Variants in CDH4 observed in about 807,000 individuals in gnomAD.
CDH4 encodes the protein cadherin 4, also known as cadherin-4.
CDH4 carries 33 observed loss-of-function variants against 86.0 expected under a neutral mutation model. That is an observed-to-expected ratio of 0.38 (90% CI 0.29 to 0.51). The LOEUF (loss-of-function observed/expected upper bound fraction) is 0.51. CDH4 is among the 20% of genes least tolerant of loss of function. The pLI, the probability that CDH4 is intolerant of heterozygous loss-of-function variation, is 0.86. For synonymous variants in CDH4, 555 were observed against 549.4 expected (o/e 1.01, Z -0.14); for missense variants, 1,114 against 1,307.4 (o/e 0.85, Z 2.28).
rs574768551 is a variant in CDH4 at position 61,904,637 on chromosome 20, G to A, written c.1189-5785G>A. On this transcript the variant is annotated intron_variant, in intron 8 of 15. Transcript: ENST00000614565. Reference sequence around the variant, plus strand: ...GTGCCCTGACTGTGCCAGCCCATCCGACCCCACAGCCTCCTGAAGAACGGG... The same window carrying A: ...GTGCCCTGACTGTGCCAGCCCATCCAACCCCACAGCCTCCTGAAGAACGGG... Among the ~76,000 whole-genome samples, 10 of 152,278 alleles carry A rather than the reference G, an allele frequency of 6.6e-5. No homozygotes were observed. In the East Asian group the frequency reaches 7.7e-4, roughly 12 times the overall value.
intron 3 of CDH4, among the ~76,000 whole-genome samples, chr20:61,748,226 G>A (rs1241434215): frequency 6.6e-6 from 1 of 152,128 alleles, no homozygotes; most frequent in Admixed American, 6.5e-5. Flanking sequence ...TCCACCTCCC[G>A]GGTTTAAGTG....
chr20:61,793,559 A>C (rs186802723), intron 4 of CDH4, among the ~76,000 whole-genome samples: 1 of 152,072 alleles, frequency 6.6e-6, no homozygotes, highest in Non-Finnish European at 1.5e-5. Context: ...AATGAGGCTG[A>C]GGCCGGGCGC....
At chr20:61,573,071 T>TGG (rs202014530) in intron 2 of CDH4, among the ~76,000 whole-genome samples, 43 of 151,100 alleles carry the variant, frequency 2.8e-4, no homozygotes, top group African/African-American at 1.0e-3. Flanking sequence ...GATGGATGGA[T>TGG]AGATGGTTGG....
chr20:61,706,729 G>C (rs1038631981), intron 2 of CDH4, among the ~76,000 whole-genome samples: 21 of 152,280 alleles, frequency 1.4e-4, no homozygotes, highest in Admixed American at 1.2e-3. Context: ...TCCCGAGCCC[G>C]CTGCAGGCCA....
intron 2 of CDH4, among the ~76,000 whole-genome samples, chr20:61,297,245 G>A (rs1014029420): frequency 2.0e-5 from 3 of 152,126 alleles, no homozygotes; most frequent in African/African-American, 4.8e-5. Flanking sequence ...AATTGGCCAC[G>A]CACGGTGGCA....
chr20:61,804,639 T>C lies in CDH4; in HGVS notation c.576+31457T>C, dbSNP rs140706155. On this transcript the variant is annotated intron_variant, in intron 4 of 15. Coordinates refer to ENST00000614565, the MANE Select transcript of CDH4 (RefSeq NM_001794.5). ...ACCTGCCCAGCTCTCGCCTGGTGGG[T>C]GTGTCAGGTTTCTGCTGCCTCAGTG... is the stretch of plus-strand genomic sequence containing the variant. 2.9e-3 allele frequency among the ~76,000 whole-genome samples: 434 copies of C among 152,248 alleles called. 5 individuals are homozygous for C. The highest frequency in any genetic ancestry group is 9.8e-3 in the African/African-American group (409 of 41,536).
At chr20:61,319,785 TAA>T (rs11351576) in intron 2 of CDH4, among the ~76,000 whole-genome samples, 7,378 of 142,242 alleles carry the variant, frequency 0.052, 219 homozygotes, top group Middle Eastern at 0.086. Context: ...CCATCTCAAT[TAA>T]AAAAAAAAAA....
At chr20:61,831,998 T>A (rs188647664) in intron 4 of CDH4, among the ~76,000 whole-genome samples, 2 of 137,530 alleles carry the variant, frequency 1.5e-5, no homozygotes, top group East Asian at 4.0e-4. Flanking sequence ...TTCCATCTCC[T>A]TTGACCAGGA....
In CDH4 at chr20:61,421,252, T is replaced by C. The variant is rs571682472; in HGVS notation, c.169+166315T>C. ...ATTTGTAAGAGTCCCTCACTCAGAG[T>C]AGATTCTTTCCTCCATGTGCACAAC... On this transcript the variant is annotated intron_variant, in intron 2 of 15. Transcript: ENST00000614565. 3.9e-5 allele frequency among the ~76,000 whole-genome samples: 6 copies of C among 152,182 alleles called. No individual in the cohort carries two copies. In the East Asian group the frequency reaches 1.2e-3, roughly 29 times the overall value.
At position 61,269,133 on chromosome 20, in the gene CDH4, A is replaced by G. The variant is rs2084171131; in HGVS notation, c.169+14196A>G. 6.6e-6 allele frequency among the ~76,000 whole-genome samples: 1 copy of G among 152,138 alleles called. No individual in the cohort carries two copies. The highest frequency in any genetic ancestry group is 2.4e-5 in the African/African-American group (1 of 41,422). ...CTGGTCCACTGATGGAGCCCTCCCC[A>G]TGCCGGGTGCTGCACCGTACCAGCT... On this transcript the variant is annotated intron_variant, in intron 2 of 15. Transcript: ENST00000614565. The surrounding 1 kb of genome is among the most constrained non-coding windows in gnomAD (Gnocchi z 5.3).
chr20:61,546,047 AGGGCTGTCTGTGCATGTGTGGAGGGGG>A (rs1410696872), intron 2 of CDH4, among the ~76,000 whole-genome samples: 4 of 1,446 alleles, frequency 2.8e-3, no homozygotes, highest in Admixed American at 8.9e-3. Flanking sequence ...GTGTGTGTGG[AGGGCTGTCTGTGCATGTGTGGAGGGGG>A]TTTGTTCACA....
intron 2 of CDH4, among the ~76,000 whole-genome samples, chr20:61,680,210 C>T (rs911523528): frequency 6.6e-6 from 1 of 152,232 alleles, no homozygotes; most frequent in Non-Finnish European, 1.5e-5. Context: ...CTGCCCCTGT[C>T]CTCCACAGGA....
chr20:61,900,474 C>T (rs1985342720), intron 8 of CDH4, among the ~76,000 whole-genome samples: 1 of 152,170 alleles, frequency 6.6e-6, no homozygotes, highest in African/African-American at 2.4e-5. Context: ...CTACCAGGGA[C>T]GGCTTCCCAG....
At chr20:61,360,286 G>A (rs1362024421) in intron 2 of CDH4, among the ~76,000 whole-genome samples, 1 of 152,238 alleles carries the variant, frequency 6.6e-6, no homozygotes, top group Non-Finnish European at 1.5e-5. Flanking sequence ...TCCAGGGTAT[G>A]AAGGATACCA....
rs1296642782 is a variant in CDH4, at chr20:61,544,861, G to A, written c.170-198702G>A. ...AAACTTGAGCTTTTAATTGAGGGGAGGGGGGATGCACTAGGGGGTCTTGGA... is the reference window on the plus strand; with the variant it reads ...AAACTTGAGCTTTTAATTGAGGGGAAGGGGGATGCACTAGGGGGTCTTGGA... On this transcript the variant is annotated intron_variant, in intron 2 of 15. Transcript: ENST00000614565. The surrounding 1 kb of genome is among the most constrained non-coding windows in gnomAD (Gnocchi z 6.5). Among the ~76,000 whole-genome samples, 1 of 152,130 alleles carries A rather than the reference G, an allele frequency of 6.6e-6. No homozygotes were observed. Among genetic ancestry groups the A allele is most frequent in the African/African-American group, 2.4e-5 (1 of 41,426 alleles).
intron 2 of CDH4, among the ~76,000 whole-genome samples, chr20:61,602,931 A>G (rs2086614180): frequency 6.6e-6 from 1 of 152,226 alleles, no homozygotes; most frequent in Non-Finnish European, 1.5e-5. Flanking sequence ...TTAGAGATGC[A>G]GCACCTGAGG....
chr20:61,337,507 A>G (rs1419349093), intron 2 of CDH4, among the ~76,000 whole-genome samples: 1 of 151,854 alleles, frequency 6.6e-6, no homozygotes, highest in Non-Finnish European at 1.5e-5. Context: ...ATAAAAACGG[A>G]TGATGATGAA....
At chr20:61,919,487 G>A (rs576357772) in intron 9 of CDH4, among the ~76,000 whole-genome samples, 92 of 152,342 alleles carry the variant, frequency 6.0e-4, no homozygotes, top group Middle Eastern at 3.4e-3. Flanking sequence ...GGCCTTTTCC[G>A]CTCCACTGTA....
At chr20:61,456,592 C>T (rs559346767) in intron 2 of CDH4, among the ~76,000 whole-genome samples, 1 of 152,290 alleles carries the variant, frequency 6.6e-6, no homozygotes, top group East Asian at 1.9e-4. Context: ...TCGGGAAACT[C>T]TGCTGAAGGT....
Sources: allele counts gnomAD v4.1 joint callset (sites outside exome capture counted in the v4.1 genomes callset), GRCh38; gene constraint gnomAD v4.1.1; non-coding constraint Gnocchi (gnomAD v3.1); transcripts MANE v1.5; gene names NCBI Gene and HGNC (gene_info 2026-07-23, HGNC 2026-07-21).